The following UACA variants were observed in gnomAD, a reference collection of about 807,000 sequenced individuals.
UACA encodes the protein uveal autoantigen with coiled-coil domains and ankyrin repeats.
Under a neutral mutation model 160.5 loss-of-function variants are expected in UACA, and 112 were observed. The observed-to-expected ratio is 0.70, with a 90% CI of 0.60 to 0.82. The LOEUF is 0.82. Ranked by LOEUF, UACA falls within the 40% of genes least tolerant of loss-of-function variation. The pLI, the probability that UACA is intolerant of heterozygous loss-of-function variation, is 0.00. For missense variants in UACA, 1,574 were observed against 1,614.6 expected (o/e 0.97, Z 0.43); for synonymous variants, 557 against 568.4 (o/e 0.98, Z 0.29).
chr15:70,681,008 G>A (rs958887195), intron 9 of UACA, among the ~76,000 whole-genome samples: 6 of 152,134 alleles, frequency 3.9e-5, no homozygotes, highest in Non-Finnish European at 7.4e-5. Context: ...GTCTGCTGCT[G>A]CCCCATGAAC....
At chr15:70,703,179 G>C in intron 1 of UACA, 3 of 1,288,900 alleles carry the variant, frequency 2.3e-6, no homozygotes, top group Admixed American at 2.3e-5. Context: ...TTTTGTGGTG[G>C]CTGTTGTTGT....
intron 1 of UACA, among the ~76,000 whole-genome samples, chr15:70,728,503 C>A (rs955286390): frequency 6.8e-6 from 1 of 148,022 alleles, no homozygotes; most frequent in Non-Finnish European, 1.5e-5. Context: ...GCGGAGGTTG[C>A]GGTGAGCCGA....
chr15:70,773,896 T>G, the UACA span, among the ~76,000 whole-genome samples: 3 of 152,208 alleles, frequency 2.0e-5, no homozygotes, highest in African/African-American at 7.2e-5. Context: ...AATTTCTCAG[T>G]CTTTCTACTA....
At chr15:70,720,072 G>A (rs1349126370) in intron 1 of UACA, among the ~76,000 whole-genome samples, 2 of 152,102 alleles carry the variant, frequency 1.3e-5, no homozygotes. Flanking sequence ...TCCCTTTGGT[G>A]CTGTTCTCAT....
intron 1 of UACA, among the ~76,000 whole-genome samples, chr15:70,738,447 AG>A (rs1899432847): frequency 1.3e-5 from 2 of 152,110 alleles, no homozygotes; most frequent in South Asian, 4.1e-4. Flanking sequence ...CCCAAATTGT[AG>A]GAAGTTCTTT....
upstream of UACA, among the ~76,000 whole-genome samples, chr15:70,763,873 T>TCC (rs1193426288): frequency 6.6e-6 from 1 of 152,134 alleles, no homozygotes; most frequent in African/African-American, 2.4e-5. Context: ...CGGACTCCCC[T>TCC]CCTCTTTCCA....
the UACA span, among the ~76,000 whole-genome samples, chr15:70,774,439 G>A: frequency 2.0e-5 from 3 of 151,698 alleles, no homozygotes; most frequent in East Asian, 1.9e-4. Context: ...CCAGCTACTC[G>A]GGAGGCTGAG....
intron 1 of UACA, among the ~76,000 whole-genome samples, chr15:70,719,131 GAGAAC>G (rs996558209): frequency 5.3e-5 from 8 of 151,374 alleles, no homozygotes; most frequent in Non-Finnish European, 8.8e-5. Flanking sequence ...GAGAAGAGAA[GAGAAC>G]AGAAGAGAAG....
chr15:70,728,964 G>A (rs917968985), intron 1 of UACA, among the ~76,000 whole-genome samples: 1 of 152,110 alleles, frequency 6.6e-6, no homozygotes, highest in Non-Finnish European at 1.5e-5. Flanking sequence ...TCAGAGAAAT[G>A]CAAATCAAAA....
chr15:70,725,414 C>T (rs1380142135), intron 1 of UACA, among the ~76,000 whole-genome samples: 1 of 152,164 alleles, frequency 6.6e-6, no homozygotes, highest in Admixed American at 6.5e-5. Context: ...CCACAGACCT[C>T]CCAGGTTCCT....
chr15:70,700,301 G>GTATATATATATATATATATATATGTATA (rs142277997), intron 1 of UACA, among the ~76,000 whole-genome samples: 10 of 129,926 alleles, frequency 7.7e-5, no homozygotes, highest in African/African-American at 2.4e-4. Flanking sequence ...GAGGCAAATT[G>GTATATATATATATATATATATATGTATA]TATATATATA....
At chr15:70,703,314 A>T (rs1458225063) in intron 1 of UACA, 17 of 1,272,364 alleles carry the variant, frequency 1.3e-5, no homozygotes, top group Non-Finnish European at 1.7e-5. Context: ...TGTTTACAGG[A>T]AGGAAGTAGC....
In UACA at chr15:70,763,333, G is replaced by C. The variant is rs2030892923; in HGVS notation, c.75C>G (p.Ser25Arg). ...GPASSGAAAASAHAADWNKYD... is the reference protein window; with the variant it reads ...GPASSGAAAARAHAADWNKYD... ...CAGCCCGGACCGCGGGACTCACCGC[G>C]CTGGCGGCGGCGGCGCCAGACGACG... The change falls in exon 1 of 19, where the codon AGC (serine) becomes AGG (arginine). Residue 25 changes from serine to arginine, a missense_variant. Transcript: ENST00000322954. 1.5e-6 allele frequency: 2 copies of C among 1,333,622 alleles called. No homozygotes were observed. Among genetic ancestry groups the C allele is most frequent in the East Asian group, 6.2e-5 (2 of 32,054 alleles). 82.6% of individuals were successfully genotyped at this position (1,333,622 alleles called of 1,614,324 possible). A position where few individuals can be genotyped will look rare whatever the true frequency, so the allele number is the denominator to read the frequency against.
chr15:70,766,016 A>T (rs916096999), upstream of UACA, among the ~76,000 whole-genome samples: 7 of 152,208 alleles, frequency 4.6e-5, no homozygotes, highest in Non-Finnish European at 1.0e-4. Context: ...TTGTTACTGG[A>T]TAAAGCAAAG....
upstream of UACA, among the ~76,000 whole-genome samples, chr15:70,764,254 C>T (rs750038300): frequency 3.9e-5 from 6 of 152,160 alleles, 1 homozygote; most frequent in Admixed American, 2.0e-4. Flanking sequence ...AAAAATGACT[C>T]CCACAGCCAG....
At chr15:70,682,158 A>T (rs1011253374) in intron 9 of UACA, 1 of 152,186 alleles carries the variant, frequency 6.6e-6, no homozygotes, top group African/African-American at 2.4e-5. Context: ...CACAACCAGG[A>T]TATCAAAACA....
At chr15:70,684,146 T>C in intron 8 of UACA, 119 bp downstream of exon 8, 2 of 835,022 alleles carry the variant, frequency 2.4e-6, no homozygotes, top group African/African-American at 1.7e-5. Context: ...GATGAACCAA[T>C]ACTGTTTATC....
chr15:70,738,577 T>G (rs528174032), intron 1 of UACA, among the ~76,000 whole-genome samples: 6 of 152,172 alleles, frequency 3.9e-5, no homozygotes, highest in Non-Finnish European at 7.3e-5. Context: ...AATCTCCTTC[T>G]ACTTTCTCCC....
chr15:70,749,692 C>A (rs1410156477), intron 1 of UACA, among the ~76,000 whole-genome samples: 3 of 92,984 alleles, frequency 3.2e-5, no homozygotes, highest in African/African-American at 1.5e-4. Flanking sequence ...GAGGAAGACT[C>A]CGTCTCAAAA....
Sources: allele counts gnomAD v4.1 joint callset (sites outside exome capture counted in the v4.1 genomes callset), GRCh38; gene constraint gnomAD v4.1.1; transcripts MANE v1.5; gene names NCBI Gene and HGNC (gene_info 2026-07-23, HGNC 2026-07-21).